TFE3: variants seen among roughly 807,000 people sequenced by gnomAD.
The protein encoded by TFE3 is transcription factor E3.
Under a neutral mutation model 35.0 loss-of-function variants are expected in TFE3, and 5 were observed. That is an observed-to-expected ratio of 0.14 (90% confidence interval 0.07 to 0.30). TFE3 has a LOEUF of 0.30. TFE3 is among the 10% of genes least tolerant of loss of function. The pLI is 1.00. For missense variants in TFE3, 374 were observed against 496.6 expected, an observed-to-expected ratio of 0.75 and a Z score of 2.35; for synonymous variants, 211 against 215.6, an observed-to-expected ratio of 0.98 and a Z score of 0.18.
chrX:49,030,249 G>A lies in TFE3; in HGVS notation c.1637C>T (p.Ala546Val), dbSNP rs782679964. ...LSGGALSPLR[A>V]ASDPLLSSVS... ...TGAAGAGAGCAGGGGATCGGAGGCA[G>A]CCCGCAGTGGGGACAGGGCACCCCC... is the stretch of plus-strand genomic sequence containing the variant. Residue 546 changes from alanine to valine, a missense_variant, in exon 10 of 10, where the codon GCT becomes GTT. Physicochemically the swap from Ala to Val is moderately conservative, Grantham distance 64. Around this residue, in one of 3 missense-constraint regions of TFE3, gnomAD observed 117 missense variants for 111.9 expected, o/e 1.05. Coordinates refer to ENST00000315869, the MANE Select transcript of TFE3 (RefSeq NM_006521.6). 8.3e-7 allele frequency: 1 copy of A among 1,209,923 alleles called. No individual in the cohort carries two copies. The highest frequency in any genetic ancestry group is 3.0e-5 in the East Asian group (1 of 33,794).
Position 49,033,768 on chromosome X carries a change from C to A in TFE3, c.1018G>T (p.Ala340Ser), listed in dbSNP as rs782034465. 8.3e-7 allele frequency: 1 copy of A among 1,209,979 alleles called. No homozygotes were observed. The highest frequency in any genetic ancestry group is 3.0e-5 in the East Asian group (1 of 33,762). The change falls in exon 7 of 10, where the codon GCC becomes TCC. Residue 340 changes from alanine (A) to serine (S), a missense_variant. Coordinates refer to ENST00000315869, the MANE Select transcript of TFE3 (RefSeq NM_006521.6). ...TTCTTCTGCCGTTCCTTCAAAAGGG[C>A]CTTTGCCTCGGTCTCTGGAAAAGAG... ...KREISETEAKALLKERQKKDN... is the reference protein window; with the variant it reads ...KREISETEAKSLLKERQKKDN...
chrX:49,038,189 C>A lies in TFE3; in HGVS notation c.780+8G>T, dbSNP rs1557075072. The stretch of plus-strand genomic sequence containing the variant: ...AATGTGGGAGGAGGTTTGGCTGTAG[C>A]CTCTTACCTCCTTCTCTGAGCTGGA... On this transcript the variant is annotated splice_region_variant and intron_variant, in intron 4 of 9. Transcript: ENST00000315869. The A allele has an allele frequency of 8.3e-7, 1 of 1,211,884 alleles. No homozygotes were observed. Among genetic ancestry groups the A allele is most frequent in the African/African-American group, 1.7e-5 (1 of 57,906 alleles).
chrX:49,041,967 T>C (rs1055865984), intron 1 of TFE3, among the ~76,000 whole-genome samples: 14 of 110,399 alleles, frequency 1.3e-4, no homozygotes, highest in Non-Finnish European at 2.1e-4. Flanking sequence ...AAGAGGAAGC[T>C]CGGGCGAGCC....
chrX:49,039,295 G>A lies in TFE3; in HGVS notation c.346C>T (p.Leu116=). 8.3e-7 allele frequency: 1 copy of A among 1,207,817 alleles called. No homozygotes were observed. The highest frequency in any genetic ancestry group is 1.8e-5 in the South Asian group (1 of 56,325). The change falls in exon 3 of 10, where the codon CTG becomes TTG. Residue 116 remains leucine (L), a synonymous_variant. Coordinates refer to ENST00000315869, the MANE Select transcript of TFE3 (RefSeq NM_006521.6). ...MSSSSSSRVL[L]RQQLMRAQAQ... Reference sequence around the variant, plus strand: ...TGGGCCCGCATTAGCTGCTGCCGCAGCAAGACCCTCGATGAAGAAGATGAC... The same window carrying A: ...TGGGCCCGCATTAGCTGCTGCCGCAACAAGACCCTCGATGAAGAAGATGAC...
intron 5 of TFE3, 195 bp downstream of exon 5, chrX:49,037,815 A>G (rs2064738754): frequency 2.3e-6 from 1 of 429,732 alleles, no homozygotes; most frequent in South Asian, 3.7e-5. Flanking sequence ...CACAGTCTAC[A>G]TGGTCCACCT....
chrX:49,041,292 C>T (rs2064759525), intron 1 of TFE3, among the ~76,000 whole-genome samples: 1 of 111,444 alleles, frequency 9.0e-6, no homozygotes, highest in Non-Finnish European at 1.9e-5. Context: ...TACACACACA[C>T]ACACACAGAG....
intron 5 of TFE3, among the ~76,000 whole-genome samples, chrX:49,036,495 T>A (rs1331620404): frequency 0.18 from 792 of 4,317 alleles, 7 homozygotes; most frequent in South Asian, 0.65. Context: ...CAATAAAAAA[T>A]AAATAAATAA....
chrX:49,041,282 T>TAC (rs60375012), intron 1 of TFE3, among the ~76,000 whole-genome samples: 11,975 of 108,682 alleles, frequency 0.11, 834 homozygotes, highest in African/African-American at 0.25. Context: ...TATATGTGTG[T>TAC]ACACACACAC....
chrX:49,030,467 G>C lies in TFE3; in HGVS notation c.1419C>G (p.Gly473=). The C allele has an allele frequency of 1.7e-6, 2 of 1,211,374 alleles. No homozygotes were observed. The highest frequency in any genetic ancestry group is 3.0e-5 in the East Asian group (1 of 33,812). ...QLDIEEEGRP[G]AATFHVGGGP... is the part of the protein sequence containing the mutation. ...CCCCCCCTACATGGAACGTTGCTGC[G>C]CCTGGCCTGCCCTCCTCCTCAATGT... The change falls in exon 10 of 10, where the codon GGC becomes GGG. Residue 473 remains glycine (G), a synonymous_variant. Transcript: ENST00000315869.
In TFE3 at chrX:49,033,536, C is replaced by T. The variant is rs2064711266; in HGVS notation, c.1065G>A (p.Glu355=). The T allele has an allele frequency of 8.3e-7, 1 of 1,209,685 alleles. No individual in the cohort carries two copies. Among genetic ancestry groups the T allele is most frequent in the African/African-American group, 1.7e-5 (1 of 57,189 alleles). Residue 355 remains glutamate, a synonymous_variant, in exon 8 of 10, where the codon GAG becomes GAA. Coordinates refer to ENST00000315869, the MANE Select transcript of TFE3 (RefSeq NM_006521.6). ...RQKKDNHNLI[E]RRRRFNINDR... is the part of the protein sequence containing the mutation. ...CGTTAATGTTGAATCGCCTGCGACG[C>T]TCAACTTTGGAGAGGGGAGGAGAGG...
chrX:49,037,986 C>A, intron 5 of TFE3, 24 bp downstream of exon 5: 2 of 1,162,666 alleles, frequency 1.7e-6, no homozygotes, highest in Non-Finnish European at 2.3e-6. Context: ...ATTTTCAGAC[C>A]AACCTCCCAT....
At chrX:49,039,680 T>C in intron 2 of TFE3, 1 of 296,639 alleles carries the variant, frequency 3.4e-6, no homozygotes, top group South Asian at 1.2e-4. Flanking sequence ...CCTGTTCACA[T>C]ATTAAGTGGA....
chrX:49,037,987 A>C, intron 5 of TFE3, 23 bp downstream of exon 5: 23 of 1,164,344 alleles, frequency 2.0e-5, no homozygotes, highest in African/African-American at 3.5e-5. Context: ...TTTTCAGACC[A>C]ACCTCCCATC....
chrX:49,037,699 GA>G (rs781913450), intron 5 of TFE3: 5,306 of 91,126 alleles, frequency 0.058, 8 homozygotes, highest in Middle Eastern at 0.075. Flanking sequence ...ACTCCGTCTC[GA>G]AAAAAAAAAA....
intron 5 of TFE3, among the ~76,000 whole-genome samples, chrX:49,036,096 G>A (rs782175501): frequency 1.6e-4 from 17 of 109,558 alleles, no homozygotes; most frequent in South Asian, 3.9e-4. Flanking sequence ...ACTTGAGCCC[G>A]GAAGGTGGAG....
At chrX:49,033,852 AG>A in intron 6 of TFE3, 70 bp from the exon 7 acceptor site, 1 of 1,109,780 alleles carries the variant, frequency 9.0e-7, no homozygotes, top group East Asian at 3.0e-5. Flanking sequence ...ATACTAAGGT[AG>A]GGTTTGGTAG....
In TFE3 at chrX:49,031,561, G is replaced by A; in HGVS notation, c.1137-17C>T. On this transcript the variant is annotated splice_polypyrimidine_tract_variant and intron_variant, in intron 8 of 9. Transcript: ENST00000315869. Reference sequence around the variant, plus strand: ...CGCATCTCCCTGTGGGGCCCAAGTGGGAGGCAAGCAGGAAATGCCACATGA... The same window carrying A: ...CGCATCTCCCTGTGGGGCCCAAGTGAGAGGCAAGCAGGAAATGCCACATGA... The A allele has an allele frequency of 8.6e-7, 1 of 1,160,250 alleles. No homozygotes were observed. Among genetic ancestry groups the A allele is most frequent in the Non-Finnish European group, 1.2e-6 (1 of 867,560 alleles).
intron 5 of TFE3, among the ~76,000 whole-genome samples, chrX:49,036,869 T>C (rs782758060): frequency 8.9e-5 from 10 of 112,336 alleles, no homozygotes; most frequent in Admixed American, 3.8e-4. Flanking sequence ...ACCAGAATGT[T>C]ACAATGGTAT....
chrX:49,030,374 G>A lies in TFE3; in HGVS notation c.1512C>T (p.His504=). 1.7e-6 allele frequency: 2 copies of A among 1,210,320 alleles called. No individual in the cohort carries two copies. Among genetic ancestry groups the A allele is most frequent in the South Asian group, 1.8e-5 (1 of 56,917 alleles). Residue 504 remains histidine (H), a synonymous_variant, in exon 10 of 10, where the codon CAC becomes CAT. Coordinates refer to ENST00000315869, the MANE Select transcript of TFE3 (RefSeq NM_006521.6). ...GGTCCCCCAGGTGGTCGCTGGGAAAGTGCAGGTCCAGAAGGGCATCTGAGG... is the reference window on the plus strand; with the variant it reads ...GGTCCCCCAGGTGGTCGCTGGGAAAATGCAGGTCCAGAAGGGCATCTGAGG... ...APPSDALLDL[H]FPSDHLGDLG...
Sources: gnomAD v4.1 joint callset for allele counts (sites outside exome capture counted in the v4.1 genomes callset) on GRCh38, gnomAD v4.1.1 for gene constraint, gnomAD v4.1.1 regional missense constraint, MANE v1.5 for transcripts, NCBI Gene and HGNC (gene_info 2026-07-23, HGNC 2026-07-21) for gene names.